The following CATSPERE variants were observed in gnomAD, a reference collection of about 807,000 sequenced individuals.
CATSPERE encodes the protein catsper channel auxiliary subunit epsilon.
Under a neutral mutation model 114.1 loss-of-function variants are expected in CATSPERE, and 93 were observed. The ratio of observed to expected loss-of-function variants is 0.81; its 90% CI spans 0.69 to 0.97. CATSPERE has a LOEUF of 0.97. CATSPERE is among the 50% of genes least tolerant of loss of function. The pLI is 0.00. For synonymous variants in CATSPERE, 341 were observed against 384.1 expected (o/e 0.89, Z 1.31); for missense variants, 1,058 against 1,131.6 (o/e 0.93, Z 0.93).
Position 244,588,497 on chromosome 1 carries a change from G to A in CATSPERE, c.2101G>A (p.Val701Ile). The change falls in exon 14 of 22, where the codon GTT becomes ATT. Residue 701 changes from valine to isoleucine, a missense_variant. Physicochemically the swap from Val to Ile is conservative, Grantham distance 29 (BLOSUM62 3). Around this residue, in one of 2 missense-constraint regions of CATSPERE, gnomAD observed 787 missense variants for 905.6 expected, o/e 0.87. Transcript: ENST00000366534. ...PIAQKVFQIA[V>I]GCDDKKFIAI... ...TTCATTTTAGGTGTTCCAAATAGCTGTTGGCTGTGATGATAAAAAATTCAT... is the reference window on the plus strand; with the variant it reads ...TTCATTTTAGGTGTTCCAAATAGCTATTGGCTGTGATGATAAAAAATTCAT... The A allele has an allele frequency of 6.2e-7, 1 of 1,611,876 alleles. No homozygotes were observed.
chr1:244,629,503 CTTTTTTTT>C (rs369560104), intron 20 of CATSPERE, among the ~76,000 whole-genome samples: 3 of 82,300 alleles, frequency 3.6e-5, no homozygotes, highest in African/African-American at 4.9e-5. Context: ...TCTCTCTTAC[CTTTTTTTT>C]TTTTTTTTTT....
intron 8 of CATSPERE, among the ~76,000 whole-genome samples, chr1:244,533,801 G>A (rs1333234489): frequency 5.9e-5 from 9 of 152,060 alleles, no homozygotes; most frequent in African/African-American, 1.9e-4. Context: ...AATTTACACA[G>A]CAATTACAGT....
At chr1:244,489,386 T>C (rs1170583796) in intron 5 of CATSPERE, among the ~76,000 whole-genome samples, 1 of 151,198 alleles carries the variant, frequency 6.6e-6, no homozygotes, top group African/African-American at 2.4e-5. Context: ...AATATCAACA[T>C]TTTAAAGAAG....
chr1:244,529,480 A>G (rs539895771), intron 8 of CATSPERE, among the ~76,000 whole-genome samples: 4 of 152,240 alleles, frequency 2.6e-5, no homozygotes, highest in African/African-American at 7.2e-5. Context: ...AGAAATGTCT[A>G]TTTAGATCTT....
intron 8 of CATSPERE, among the ~76,000 whole-genome samples, chr1:244,538,148 C>A (rs1210587460): frequency 6.6e-5 from 10 of 152,032 alleles, no homozygotes; most frequent in Non-Finnish European, 4.4e-5. Flanking sequence ...CATAATGAGA[C>A]CCCCATCTCT....
At chr1:244,579,023 G>A (rs1365984743) in intron 11 of CATSPERE, among the ~76,000 whole-genome samples, 6 of 151,630 alleles carry the variant, frequency 4.0e-5, no homozygotes, top group Admixed American at 1.3e-4. Flanking sequence ...GGCCCATGGT[G>A]TTATTCAAGG....
chr1:244,629,353 T>C (rs957721598), intron 20 of CATSPERE, among the ~76,000 whole-genome samples: 1 of 152,204 alleles, frequency 6.6e-6, no homozygotes, highest in African/African-American at 2.4e-5. Context: ...ATCCAAATTA[T>C]GTGCGGTACA....
intron 8 of CATSPERE, among the ~76,000 whole-genome samples, chr1:244,538,397 G>A (rs960056488): frequency 2.0e-5 from 3 of 152,188 alleles, no homozygotes; most frequent in Admixed American, 6.5e-5. Context: ...TGGTAACTGA[G>A]TAGTGTTTAG....
chr1:244,508,590 T>C (rs979865594), intron 7 of CATSPERE, among the ~76,000 whole-genome samples: 9 of 151,478 alleles, frequency 5.9e-5, no homozygotes, highest in Admixed American at 1.3e-4. Flanking sequence ...CGTGAGCCAC[T>C]GCGCCTGGCC....
At chr1:244,591,794 C>A in intron 15 of CATSPERE, 63 bp downstream of exon 15, 1 of 1,009,576 alleles carries the variant, frequency 9.9e-7, no homozygotes, top group Admixed American at 2.1e-5. Context: ...ACTTTACAAT[C>A]AGTACTTATT....
intron 20 of CATSPERE, among the ~76,000 whole-genome samples, chr1:244,622,888 G>A (rs12087958): frequency 1.2e-3 from 189 of 152,074 alleles, no homozygotes; most frequent in African/African-American, 4.0e-3. Context: ...GCACTTCTGC[G>A]AGTAAAATAA....
chr1:244,490,577 C>G (rs1231524719), intron 6 of CATSPERE, 106 bp downstream of exon 6: 1 of 749,044 alleles, frequency 1.3e-6, no homozygotes, highest in South Asian at 1.7e-5. Flanking sequence ...ATGAATTTTG[C>G]AATGATATTT....
chr1:244,544,724 G>A (rs1659449690), intron 8 of CATSPERE, among the ~76,000 whole-genome samples: 1 of 152,176 alleles, frequency 6.6e-6, no homozygotes, highest in Non-Finnish European at 1.5e-5. Context: ...CTATGTGGCT[G>A]GTGCAGAAGA....
chr1:244,499,219 G>A (rs1001510130), intron 7 of CATSPERE, 140 bp downstream of exon 7: 12 of 527,624 alleles, frequency 2.3e-5, no homozygotes, highest in Non-Finnish European at 4.1e-5. Context: ...ATCCCTTTTA[G>A]TTTAGCCATT....
At chr1:244,518,793 T>C in intron 8 of CATSPERE, 95 bp downstream of exon 8, 1 of 633,492 alleles carries the variant, frequency 1.6e-6, no homozygotes, top group Non-Finnish European at 2.6e-6. Flanking sequence ...GTCTTATATG[T>C]TATTTTCAAG....
chr1:244,465,567 G>A (rs1373931788), intron 2 of CATSPERE, among the ~76,000 whole-genome samples: 2 of 152,108 alleles, frequency 1.3e-5, no homozygotes, highest in Non-Finnish European at 2.9e-5. Flanking sequence ...TGTTCCGTAT[G>A]TAGATGAGTT....
chr1:244,458,529 G>GA (rs573336535), upstream of CATSPERE, among the ~76,000 whole-genome samples: 36 of 149,410 alleles, frequency 2.4e-4, no homozygotes, highest in East Asian at 1.9e-4. Context: ...TGGAATGGAG[G>GA]AAAAAAAAAC....
intron 17 of CATSPERE, among the ~76,000 whole-genome samples, chr1:244,601,304 TTAA>T (rs1350773624): frequency 6.6e-6 from 1 of 152,136 alleles, no homozygotes; most frequent in Non-Finnish European, 1.5e-5. Context: ...CAACATGTGC[TTAA>T]TAATTTTTTC....
intron 8 of CATSPERE, among the ~76,000 whole-genome samples, chr1:244,549,868 T>C (rs1660333372): frequency 6.6e-6 from 1 of 152,158 alleles, no homozygotes; most frequent in South Asian, 2.1e-4. Context: ...AGCATTTGAA[T>C]TGGTAGACTG....
Sources: allele counts gnomAD v4.1 joint callset (sites outside exome capture counted in the v4.1 genomes callset), GRCh38; gene constraint gnomAD v4.1.1; regional missense constraint gnomAD v4.1.1; transcripts MANE v1.5; gene names NCBI Gene and HGNC (gene_info 2026-07-23, HGNC 2026-07-21).